CAMK2B: variants seen among roughly 807,000 people sequenced by gnomAD.
CAMK2B encodes the protein calcium/calmodulin dependent protein kinase II beta.
Under a neutral mutation model 93.7 loss-of-function variants are expected in CAMK2B, and 27 were observed. The ratio of observed to expected loss-of-function variants is 0.29; its 90% confidence interval spans 0.21 to 0.40. The LOEUF (loss-of-function observed/expected upper bound fraction) is 0.40, where lower values mean the gene tolerates loss of function less well. Ranked by LOEUF, CAMK2B falls within the 10% of genes least tolerant of loss-of-function variation. The pLI, the probability that CAMK2B is intolerant of heterozygous loss-of-function variation, is 1.00. For synonymous variants in CAMK2B, 374 were observed against 358.8 expected (o/e 1.04, Z -0.48); for missense variants, 568 against 895.8 (o/e 0.63, Z 4.67).
At chr7:44,302,993 A>G (rs538404218) in intron 1 of CAMK2B, among the ~76,000 whole-genome samples, 4 of 152,312 alleles carry the variant, frequency 2.6e-5, no homozygotes, top group African/African-American at 7.2e-5. Context: ...TGATATGCCT[A>G]TATAGAAAAC....
intron 1 of CAMK2B, among the ~76,000 whole-genome samples, chr7:44,285,267 G>C (rs1784736596): frequency 6.6e-6 from 1 of 152,258 alleles, no homozygotes; most frequent in Non-Finnish European, 1.5e-5. Context: ...CAAGGGGCCT[G>C]GTCAAGAAAT....
chr7:44,253,638 C>G (rs187921448), intron 5 of CAMK2B, among the ~76,000 whole-genome samples: 8 of 152,322 alleles, frequency 5.3e-5, no homozygotes, highest in African/African-American at 1.7e-4. Flanking sequence ...TGCTCTGTCA[C>G]CCAGGCTGGA....
intron 1 of CAMK2B, among the ~76,000 whole-genome samples, chr7:44,285,762 G>A (rs1296997440): frequency 6.7e-6 from 1 of 150,338 alleles, no homozygotes; most frequent in Non-Finnish European, 1.5e-5. Flanking sequence ...AACAGGGACA[G>A]GGGCTGCCTC....
chr7:44,220,299 G>A lies in CAMK2B; in HGVS notation c.1769-5C>T. Reference sequence around the variant, plus strand: ...GCTTGCTGTTCTTGGCCAGCACTGTGGACAGCAGGCGGGGCGGGGGTCTCG... The same window carrying A: ...GCTTGCTGTTCTTGGCCAGCACTGTAGACAGCAGGCGGGGCGGGGGTCTCG... On this transcript the variant is annotated splice_region_variant and splice_polypyrimidine_tract_variant and intron_variant, in intron 22 of 23. Transcript: ENST00000395749. The A allele has an allele frequency of 6.2e-7, 1 of 1,608,814 alleles. No homozygotes were observed. Among genetic ancestry groups the A allele is most frequent in the Admixed American group, 1.7e-5 (1 of 59,954 alleles).
Position 44,224,251 on chromosome 7 carries a change from A to T in CAMK2B, c.1597+2265T>A, listed in dbSNP as rs886693226. ...CCTGCCCTGCGGAATGGCGCTGCCCAGACCCCAGCTCAACCCAGCCCCCAC... is the reference window on the plus strand; with the variant it reads ...CCTGCCCTGCGGAATGGCGCTGCCCTGACCCCAGCTCAACCCAGCCCCCAC... On this transcript the variant is annotated intron_variant, in intron 20 of 23. Transcript: ENST00000395749. This position sits in a 1 kb window ranked among gnomAD's most constrained non-coding sequence, Gnocchi z 4.4. Among the ~76,000 whole-genome samples the T allele has an allele frequency of 6.6e-6, 1 of 151,106 alleles. No homozygotes were observed. Among genetic ancestry groups the T allele is most frequent in the Non-Finnish European group, 1.5e-5 (1 of 67,482 alleles).
At chr7:44,269,695 C>T (rs891459995) in intron 2 of CAMK2B, among the ~76,000 whole-genome samples, 7 of 152,006 alleles carry the variant, frequency 4.6e-5, no homozygotes, top group South Asian at 2.1e-4. Context: ...GCGGGGGCGG[C>T]GGAGGGGCAG....
In CAMK2B at chr7:44,221,580, C is replaced by T. The variant is rs1208724774; in HGVS notation, c.1598-679G>A. Among the ~76,000 whole-genome samples, 7 of 152,250 alleles carry T rather than the reference C, an allele frequency of 4.6e-5. No individual in the cohort carries two copies. The South Asian group carries it at 6.2e-4, about 13-fold the overall frequency. On this transcript the variant is annotated intron_variant, in intron 20 of 23. Coordinates refer to ENST00000395749, the MANE Select transcript of CAMK2B (RefSeq NM_001220.5). ...AGAACGAGCGTGGTCTCTTGTTCCC[C>T]GCTTTTCTCATAGGAGCCGCATCCG...
chr7:44,300,567 T>A (rs1789717455), intron 1 of CAMK2B, among the ~76,000 whole-genome samples: 1 of 151,770 alleles, frequency 6.6e-6, no homozygotes, highest in Non-Finnish European at 1.5e-5. Flanking sequence ...AAAGGGTCAG[T>A]TTTCTAAGAT....
intron 1 of CAMK2B, among the ~76,000 whole-genome samples, chr7:44,294,968 G>C (rs1170587323): frequency 6.6e-6 from 1 of 152,240 alleles, no homozygotes; most frequent in Non-Finnish European, 1.5e-5. Context: ...AAAGTCAAGG[G>C]AAGACAATCA....
intron 1 of CAMK2B, among the ~76,000 whole-genome samples, chr7:44,294,575 T>C (rs551574275): frequency 6.6e-6 from 1 of 152,290 alleles, no homozygotes; most frequent in African/African-American, 2.4e-5. Flanking sequence ...ATTTGTGATT[T>C]AGAAAGATCT....
At chr7:44,280,582 G>T (rs947946423) in intron 2 of CAMK2B, among the ~76,000 whole-genome samples, 4 of 152,204 alleles carry the variant, frequency 2.6e-5, no homozygotes, top group Non-Finnish European at 5.9e-5. Flanking sequence ...ATTTGCACAG[G>T]CTTTTAAAAC....
Position 44,230,995 on chromosome 7 carries a change from A to C in CAMK2B, c.1225+11T>G. ...AGGCCGCTGGGGGGGCAAGGACTCA[A>C]GTGCAGGTACCTTTAGCGTCTTCAT... On this transcript the variant is annotated intron_variant, in intron 17 of 23. Transcript: ENST00000395749. 1 of 1,552,768 alleles carries C rather than the reference A, an allele frequency of 6.4e-7. No homozygotes were observed. Among genetic ancestry groups the C allele is most frequent in the Non-Finnish European group, 8.7e-7 (1 of 1,147,742 alleles).
At chr7:44,245,112 C>G (rs1412115113) in intron 6 of CAMK2B, 1 of 379,246 alleles carries the variant, frequency 2.6e-6, no homozygotes, top group African/African-American at 2.1e-5. Context: ...CCAGAGGAAA[C>G]AGACCAGCAG....
intron 2 of CAMK2B, among the ~76,000 whole-genome samples, chr7:44,265,050 G>C (rs1441617182): frequency 6.6e-6 from 1 of 152,120 alleles, no homozygotes; most frequent in African/African-American, 2.4e-5. Flanking sequence ...GTGAGTTCAC[G>C]GGGTTATTGT....
rs772511617 is a variant in CAMK2B at position 44,226,514 on chromosome 7, A to G, written c.1597+2T>C. On this transcript the variant is annotated splice_donor_variant, in intron 20 of 23. Coordinates refer to ENST00000395749, the MANE Select transcript of CAMK2B (RefSeq NM_001220.5). LOFTEE classifies it high-confidence loss of function. ...GCCACGGCCACTCAAGGTGCTACTT[A>G]CATGGGGTGGGCAGGGGGCCAGGGA... 1.5e-4 allele frequency: 208 copies of G among 1,432,414 alleles called. No individual in the cohort carries two copies. The highest frequency in any genetic ancestry group is 1.8e-4 in the Non-Finnish European group (201 of 1,093,446). 88.7% of individuals were successfully genotyped at this position (1,432,414 alleles called of 1,614,324 possible).
In CAMK2B at chr7:44,248,025, T is replaced by C. The variant is rs111952387; in HGVS notation, c.342-833A>G. On this transcript the variant is annotated intron_variant, in intron 5 of 23. Coordinates refer to ENST00000395749, the MANE Select transcript of CAMK2B (RefSeq NM_001220.5). This position sits in a 1 kb window ranked among gnomAD's most constrained non-coding sequence, Gnocchi z 4.1. ...GCCTGGGTGACAGAGGGAGAGTCCA[T>C]CTCAAAAAGAAAAAAATAAAAAGTG... Among the ~76,000 whole-genome samples the C allele has an allele frequency of 0.029, 4,391 of 152,066 alleles. 87 individuals are homozygous for C. The highest frequency in any genetic ancestry group is 0.062 in the African/African-American group (2,577 of 41,482).
intron 1 of CAMK2B, among the ~76,000 whole-genome samples, chr7:44,287,937 T>C (rs1785585445): frequency 6.6e-6 from 1 of 152,248 alleles, no homozygotes; most frequent in Non-Finnish European, 1.5e-5. Context: ...CCCTATACTC[T>C]GGACCTAGGT....
chr7:44,243,732 C>T (rs1338747249), intron 6 of CAMK2B, among the ~76,000 whole-genome samples: 3 of 152,084 alleles, frequency 2.0e-5, no homozygotes, highest in Admixed American at 6.5e-5. Flanking sequence ...CCCCACAGCC[C>T]CTCTGCCCCT....
At chr7:44,240,815 A>T in intron 11 of CAMK2B, 66 bp from the exon 12 acceptor site, 1 of 1,534,074 alleles carries the variant, frequency 6.5e-7, no homozygotes, top group Non-Finnish European at 9.0e-7. Flanking sequence ...TCTGGCCAGG[A>T]TAAGACCCCT....
Sources: gnomAD v4.1 joint callset for allele counts (sites outside exome capture counted in the v4.1 genomes callset) on GRCh38, gnomAD v4.1.1 for gene constraint, Gnocchi (gnomAD v3.1) non-coding constraint, MANE v1.5 for transcripts, NCBI Gene and HGNC (gene_info 2026-07-23, HGNC 2026-07-21) for gene names.